Variants in SLC9B1 observed in about 807,000 individuals in gnomAD.
The protein encoded by SLC9B1 is solute carrier family 9 member B1.
In SLC9B1, 32 loss-of-function variants were observed where a neutral mutation model predicts 51.7. The ratio of observed to expected loss-of-function variants is 0.62; its 90% CI spans 0.47 to 0.83. SLC9B1 has a LOEUF of 0.83. Ranked by LOEUF, SLC9B1 falls within the 40% of genes least tolerant of loss-of-function variation. SLC9B1 has a pLI of 0.00. For synonymous variants in SLC9B1, 145 were observed against 212.7 expected (o/e 0.68, Z 2.77); for missense variants, 406 against 613.2 (o/e 0.66, Z 3.57).
At chr4:102,901,728 T>G (rs1734803323) in intron 11 of SLC9B1, among the ~76,000 whole-genome samples, 1 of 152,218 alleles carries the variant, frequency 6.6e-6, no homozygotes, top group Non-Finnish European at 1.5e-5. Flanking sequence ...CTAAGGTTTC[T>G]TATGGTTCTC....
At chr4:102,925,761 C>G (rs1182471880) in intron 7 of SLC9B1, among the ~76,000 whole-genome samples, 1 of 151,342 alleles carries the variant, frequency 6.6e-6, no homozygotes, top group Non-Finnish European at 1.5e-5. Flanking sequence ...CCAGCATCAT[C>G]CTGGTACCAA....
intron 7 of SLC9B1, among the ~76,000 whole-genome samples, chr4:102,919,779 C>T (rs1413695327): frequency 1.1e-4 from 17 of 152,226 alleles, no homozygotes; most frequent in Non-Finnish European, 2.9e-5. Context: ...CAGCGGGTCC[C>T]ACACCCATGG....
intron 3 of SLC9B1, among the ~76,000 whole-genome samples, chr4:102,957,991 C>T (rs3857199): frequency 0.54 from 82,747 of 151,876 alleles, 23,095 homozygotes; most frequent in African/African-American, 0.68. Flanking sequence ...ATTATTATAA[C>T]CCCCAAAGGT....
chr4:102,940,676 A>C (rs902408634), intron 6 of SLC9B1, among the ~76,000 whole-genome samples: 10 of 152,222 alleles, frequency 6.6e-5, no homozygotes, highest in African/African-American at 2.2e-4. Context: ...AGAAATAATC[A>C]GCAGAGTAAA....
chr4:102,990,739 TATC>T (rs2110518598), intron 2 of SLC9B1, among the ~76,000 whole-genome samples: 1 of 152,070 alleles, frequency 6.6e-6, no homozygotes, highest in Non-Finnish European at 1.5e-5. Context: ...GGGAACATCT[TATC>T]ATCACAGGAA....
chr4:103,009,499 C>A (rs1740980186), intron 1 of SLC9B1, among the ~76,000 whole-genome samples: 1 of 152,150 alleles, frequency 6.6e-6, no homozygotes, highest in South Asian at 2.1e-4. Context: ...TAAATAAGAA[C>A]TGAAATTTCC....
At chr4:102,968,492 T>C (rs1234998555) in intron 3 of SLC9B1, among the ~76,000 whole-genome samples, 1 of 152,238 alleles carries the variant, frequency 6.6e-6, no homozygotes, top group African/African-American at 2.4e-5. Flanking sequence ...ACTGGTAAAT[T>C]GGACTTCATC....
At chr4:102,978,077 C>A (rs193068281) in intron 3 of SLC9B1, among the ~76,000 whole-genome samples, 1 of 152,040 alleles carries the variant, frequency 6.6e-6, no homozygotes, top group Non-Finnish European at 1.5e-5. Context: ...TTTGTCCTTG[C>A]GATAGTTTGC....
chr4:102,951,793 A>C (rs2110479229), intron 3 of SLC9B1, among the ~76,000 whole-genome samples: 1 of 151,958 alleles, frequency 6.6e-6, no homozygotes, highest in African/African-American at 2.4e-5. Flanking sequence ...AGAATGAAGA[A>C]GATATAATAT....
intron 7 of SLC9B1, among the ~76,000 whole-genome samples, chr4:102,924,092 T>C (rs578150254): frequency 6.6e-6 from 1 of 152,328 alleles, no homozygotes; most frequent in East Asian, 1.9e-4. Context: ...AGAACCTGCA[T>C]TGCCAAGACA....
chr4:102,947,167 G>A (rs1461083114), intron 4 of SLC9B1, among the ~76,000 whole-genome samples: 3 of 152,272 alleles, frequency 2.0e-5, no homozygotes, highest in African/African-American at 7.2e-5. Flanking sequence ...ATTAGTTTGG[G>A]ATAAAACTGG....
chr4:102,955,893 GAAAGAA>G (rs746153731), intron 3 of SLC9B1, among the ~76,000 whole-genome samples: 293 of 128,184 alleles, frequency 2.3e-3, no homozygotes, highest in East Asian at 5.4e-3. Flanking sequence ...AAGAAAGAAA[GAAAGAA>G]AGAGAGAGAA....
At chr4:103,001,701 T>G (rs1740531993) in intron 1 of SLC9B1, among the ~76,000 whole-genome samples, 1 of 152,200 alleles carries the variant, frequency 6.6e-6, no homozygotes. Context: ...CATACTCCTC[T>G]ATTCTTCTGA....
chr4:102,974,006 C>T (rs371561715), intron 3 of SLC9B1, among the ~76,000 whole-genome samples: 1 of 151,948 alleles, frequency 6.6e-6, no homozygotes, highest in East Asian at 1.9e-4. Flanking sequence ...GAGGTCAAGG[C>T]GGGCGGATTA....
At chr4:102,938,757 C>T (rs1014934969) in intron 6 of SLC9B1, among the ~76,000 whole-genome samples, 2 of 152,108 alleles carry the variant, frequency 1.3e-5, no homozygotes, top group Non-Finnish European at 2.9e-5. Context: ...GGAAATTAAA[C>T]AACCTGTGCC....
rs186545446 is a variant in SLC9B1 at position 103,019,630 on chromosome 4, G to T, written c.-33C>A. ...CTTCTTTCGCAGCCCTCGCTGGCCC[G>T]GGAGCGGCCCAGGAGCCCAGTGACC... On this transcript the variant is annotated 5_prime_UTR_variant, in exon 1 of 12. Transcript: ENST00000296422. 2.0e-6 allele frequency: 2 copies of T among 985,488 alleles called. No individual in the cohort carries two copies. Among genetic ancestry groups the T allele is most frequent in the East Asian group, 2.3e-4 (2 of 8,802 alleles). 61.0% of individuals were successfully genotyped at this position (985,488 alleles called of 1,614,324 possible). A position where few individuals can be genotyped will look rare whatever the true frequency, so the allele number is the denominator to read the frequency against.
At chr4:103,013,568 A>C (rs911617688) in intron 1 of SLC9B1, among the ~76,000 whole-genome samples, 17 of 152,374 alleles carry the variant, frequency 1.1e-4, no homozygotes, top group Middle Eastern at 3.4e-3. Context: ...AATTTGAACT[A>C]GAAAAGCTCT....
At position 102,932,198 on chromosome 4, in the gene SLC9B1, A is replaced by G. The variant is rs2110458982; in HGVS notation, c.755T>C (p.Met252Thr). 6.2e-7 allele frequency: 1 copy of G among 1,611,984 alleles called. No homozygotes were observed. The highest frequency in any genetic ancestry group is 8.5e-7 in the Non-Finnish European group (1 of 1,179,810). Residue 252 changes from methionine (M) to threonine (T), a missense_variant, in exon 7 of 12, where the codon ATG (methionine) becomes ACG (threonine). Around this residue, in one of 6 missense-constraint regions of SLC9B1, gnomAD observed 250 missense variants for 394.1 expected, o/e 0.63. Coordinates refer to ENST00000296422, the MANE Select transcript of SLC9B1 (RefSeq NM_139173.4). The part of the protein sequence containing the change: ...GVEEGIPTLL[M>T]AASSMDDILA... ...AATGTCATCCATACTGCTAGCAGCC[A>G]TTAATAAGGTTGGAATGCCTTCCTC... is the stretch of plus-strand genomic sequence containing the variant.
intron 1 of SLC9B1, among the ~76,000 whole-genome samples, chr4:103,004,931 G>A (rs1350445444): frequency 1.3e-5 from 2 of 152,138 alleles, no homozygotes; most frequent in Non-Finnish European, 2.9e-5. Context: ...AGGTCCTGAA[G>A]GGAGTGCTAA....
Sources: allele counts gnomAD v4.1 joint callset (sites outside exome capture counted in the v4.1 genomes callset), GRCh38; gene constraint gnomAD v4.1.1; regional missense constraint gnomAD v4.1.1; transcripts MANE v1.5; gene names NCBI Gene and HGNC (gene_info 2026-07-23, HGNC 2026-07-21).